Variants in MAST4 observed in about 807,000 individuals in gnomAD.
The protein encoded by MAST4 is microtubule-associated serine/threonine-protein kinase 4.
MAST4 carries 89 observed loss-of-function variants against 162.7 expected under a neutral mutation model. The ratio of observed to expected loss-of-function variants is 0.55; its 90% confidence interval spans 0.46 to 0.65. The LOEUF (loss-of-function observed/expected upper bound fraction) is 0.65, where lower values mean the gene tolerates loss of function less well. MAST4 is among the 30% of genes least tolerant of loss of function. MAST4 has a pLI of 0.00. For missense variants in MAST4, 3,153 were observed against 3,374.0 expected (o/e 0.93, Z 1.62); for synonymous variants, 1,479 against 1,361.1 (o/e 1.09, Z -1.91).
At chr5:66,935,258 C>T (rs1209249132) in intron 4 of MAST4, among the ~76,000 whole-genome samples, 1 of 152,170 alleles carries the variant, frequency 6.6e-6, no homozygotes, top group East Asian at 1.9e-4. Context: ...AGACAGGCAT[C>T]CCCATTTCTC....
At chr5:66,624,469 C>G (rs188279315) in intron 1 of MAST4, among the ~76,000 whole-genome samples, 18 of 152,094 alleles carry the variant, frequency 1.2e-4, no homozygotes, top group Admixed American at 1.2e-3. Flanking sequence ...AATGTTTATA[C>G]TATGCCAAAC....
chr5:66,764,834 TA>T (rs1754015380), intron 2 of MAST4, among the ~76,000 whole-genome samples: 1 of 152,178 alleles, frequency 6.6e-6, no homozygotes, highest in Admixed American at 6.5e-5. Flanking sequence ...AAATATCTTT[TA>T]AATCAGTGTA....
chr5:67,006,652 C>A (rs1304683209), intron 4 of MAST4, among the ~76,000 whole-genome samples: 3 of 152,092 alleles, frequency 2.0e-5, no homozygotes, highest in African/African-American at 7.2e-5. Context: ...ACCCGTAGAG[C>A]AGTTGGAGCC....
chr5:66,822,834 T>G (rs1757059611), intron 3 of MAST4, among the ~76,000 whole-genome samples: 1 of 152,184 alleles, frequency 6.6e-6, no homozygotes, highest in African/African-American at 2.4e-5. Context: ...CCTTCTTTGT[T>G]TAAACTCCAA....
chr5:67,139,730 AT>A (rs1239704155), intron 19 of MAST4, among the ~76,000 whole-genome samples: 1 of 152,186 alleles, frequency 6.6e-6, no homozygotes, highest in Non-Finnish European at 1.5e-5. Context: ...TGCATGAGTG[AT>A]TTATTTTTAG....
At chr5:66,782,715 A>G (rs770408885) in intron 2 of MAST4, among the ~76,000 whole-genome samples, 77 of 152,366 alleles carry the variant, frequency 5.1e-4, no homozygotes, top group Non-Finnish European at 9.6e-4. Context: ...CAACAAGCTC[A>G]ATTTGGTATT....
At chr5:67,064,279 T>C (rs930406130) in intron 5 of MAST4, among the ~76,000 whole-genome samples, 23 of 152,038 alleles carry the variant, frequency 1.5e-4, no homozygotes, top group African/African-American at 5.6e-4. Context: ...AGGTGGAGAA[T>C]GCAGTGCCAT....
At chr5:66,790,832 A>G (rs1178161594) in intron 3 of MAST4, among the ~76,000 whole-genome samples, 1 of 152,274 alleles carries the variant, frequency 6.6e-6, no homozygotes, top group Non-Finnish European at 1.5e-5. Flanking sequence ...TTTTACTCTG[A>G]TTATTTACTT....
intron 4 of MAST4, among the ~76,000 whole-genome samples, chr5:67,025,834 G>T (rs1754575985): frequency 6.6e-6 from 1 of 152,172 alleles, no homozygotes; most frequent in Admixed American, 6.6e-5. Context: ...GGGCCCCAAG[G>T]CCCGGACATG....
chr5:66,758,187 T>C (rs1945294978), intron 1 of MAST4, among the ~76,000 whole-genome samples: 1 of 151,326 alleles, frequency 6.6e-6, no homozygotes. Context: ...CGGCAATGAG[T>C]GTGAGATGGT....
chr5:67,007,225 T>G (rs1307095417), intron 4 of MAST4, among the ~76,000 whole-genome samples: 2 of 152,176 alleles, frequency 1.3e-5, no homozygotes, highest in African/African-American at 2.4e-5. Context: ...CTTCTACTTT[T>G]GAGATGCCCC....
intron 1 of MAST4, among the ~76,000 whole-genome samples, chr5:66,651,322 C>T (rs1396388838): frequency 1.3e-5 from 2 of 151,954 alleles, no homozygotes; most frequent in Non-Finnish European, 2.9e-5. Context: ...ATTTTCATTT[C>T]CTAGTGGATT....
At chr5:66,934,433 T>C (rs1325950646) in intron 4 of MAST4, among the ~76,000 whole-genome samples, 1 of 152,102 alleles carries the variant, frequency 6.6e-6, no homozygotes, top group African/African-American at 2.4e-5. Flanking sequence ...CCAGCTTGAT[T>C]ATTAGCACAT....
intron 6 of MAST4, among the ~76,000 whole-genome samples, chr5:67,094,631 C>T (rs975648259): frequency 2.6e-5 from 4 of 151,964 alleles, no homozygotes; most frequent in African/African-American, 9.7e-5. Flanking sequence ...CACAGTCTTG[C>T]GTTTAAAGTA....
intron 1 of MAST4, among the ~76,000 whole-genome samples, chr5:66,685,727 C>T (rs1397455456): frequency 6.6e-6 from 1 of 152,064 alleles, no homozygotes; most frequent in East Asian, 1.9e-4. Flanking sequence ...AAGAGATGTG[C>T]TTTCTACTAA....
At chr5:66,886,740 A>G (rs1371350915) in intron 3 of MAST4, among the ~76,000 whole-genome samples, 1 of 150,732 alleles carries the variant, frequency 6.6e-6, no homozygotes, top group Non-Finnish European at 1.5e-5. Context: ...TAGAAACTAA[A>G]GTGAAAACCA....
At position 67,163,601 on chromosome 5, in the gene MAST4, G is replaced by A. The variant is rs1347372877; in HGVS notation, c.4422G>A (p.Glu1474=). The part of the protein sequence containing the change: ...RKHSLEVTQE[E]VQREQSQREA... ...ACAGCCTGGAGGTGACCCAAGAGGA[G>A]GTGCAGCGGGAGCAGTCCCAGCGGG... The change falls in exon 29 of 29, where the codon GAG becomes GAA. Residue 1474 remains glutamate, a synonymous_variant. Coordinates refer to ENST00000403625, the MANE Select transcript of MAST4 (RefSeq NM_001164664.2). This position sits in a 1 kb window ranked among gnomAD's most constrained non-coding sequence, Gnocchi z 7.0. 1.2e-6 allele frequency: 2 copies of A among 1,600,210 alleles called. No individual in the cohort carries two copies. Among genetic ancestry groups the A allele is most frequent in the Non-Finnish European group, 1.7e-6 (2 of 1,173,972 alleles).
intron 4 of MAST4, among the ~76,000 whole-genome samples, chr5:67,013,255 C>A (rs995353471): frequency 3.3e-5 from 5 of 152,144 alleles, no homozygotes; most frequent in Admixed American, 3.3e-4. Context: ...AGTACCAGCA[C>A]CTTGTGCCCC....
At chr5:67,045,890 A>G (rs1757311743) in intron 4 of MAST4, among the ~76,000 whole-genome samples, 1 of 152,222 alleles carries the variant, frequency 6.6e-6, no homozygotes, top group Non-Finnish European at 1.5e-5. Flanking sequence ...TGAAGCAACT[A>G]GTCAGAAACA....
Sources: allele counts gnomAD v4.1 joint callset (sites outside exome capture counted in the v4.1 genomes callset), GRCh38; gene constraint gnomAD v4.1.1; non-coding constraint Gnocchi (gnomAD v3.1); transcripts MANE v1.5; gene names NCBI Gene and HGNC (gene_info 2026-07-23, HGNC 2026-07-21).